The following C1orf105 variants were observed in gnomAD, a reference collection of about 807,000 sequenced individuals.
C1orf105 encodes chromosome 1 open reading frame 105, also known as uncharacterized protein C1orf105.
C1orf105 carries 17 observed loss-of-function variants against 20.8 expected under a neutral mutation model. The observed-to-expected ratio is 0.82, with a 90% CI of 0.56 to 1.23. C1orf105 has a LOEUF of 1.23. Ranked by LOEUF, C1orf105 falls within the 50% of genes most tolerant of loss-of-function variation. The pLI is 0.00. For synonymous variants in C1orf105, 72 were observed against 72.1 expected (o/e 1.00, Z 0.01); for missense variants, 219 against 213.5 (o/e 1.03, Z -0.16).
chr1:172,422,299 G>C (rs2071612425), intron 1 of C1orf105, among the ~76,000 whole-genome samples: 1 of 152,218 alleles, frequency 6.6e-6, no homozygotes. Flanking sequence ...AGTTCAGCCA[G>C]AGTAGGATAG....
intron 4 of C1orf105, among the ~76,000 whole-genome samples, chr1:172,457,683 C>T (rs1649386532): frequency 6.6e-6 from 1 of 152,350 alleles, no homozygotes; most frequent in Middle Eastern, 3.4e-3. Flanking sequence ...CTAAGCTGGC[C>T]TTGGCCAGCT....
chr1:172,462,683 C>T (rs1256950730), intron 5 of C1orf105, among the ~76,000 whole-genome samples: 1 of 152,094 alleles, frequency 6.6e-6, no homozygotes, highest in Non-Finnish European at 1.5e-5. Flanking sequence ...TTATTTAAAG[C>T]TTTTTTTAAA....
intron 5 of C1orf105, among the ~76,000 whole-genome samples, chr1:172,463,235 T>TA (rs766178791): frequency 5.4e-4 from 83 of 152,314 alleles, no homozygotes; most frequent in Non-Finnish European, 1.1e-3. Flanking sequence ...AAAGTAGACA[T>TA]ACACTCACCT....
intron 3 of C1orf105, among the ~76,000 whole-genome samples, chr1:172,449,490 G>A (rs1041374852): frequency 6.6e-6 from 1 of 152,124 alleles, no homozygotes; most frequent in African/African-American, 2.4e-5. Context: ...CAGGGGTGGA[G>A]GAAGAACTGG....
intron 5 of C1orf105, among the ~76,000 whole-genome samples, chr1:172,464,410 T>C (rs1465469309): frequency 2.0e-5 from 3 of 152,234 alleles, no homozygotes; most frequent in Non-Finnish European, 4.4e-5. Context: ...TGTAGAGCCT[T>C]AGATGGCCCA....
At chr1:172,437,660 C>T (rs2072082929) in intron 1 of C1orf105, among the ~76,000 whole-genome samples, 3 of 150,616 alleles carry the variant, frequency 2.0e-5, no homozygotes, top group South Asian at 4.2e-4. Flanking sequence ...GTACAGCAAA[C>T]CAACATGGCA....
chr1:172,421,064 T>C (rs1332479164), intron 1 of C1orf105, among the ~76,000 whole-genome samples, 158 bp downstream of exon 1: 1 of 152,202 alleles, frequency 6.6e-6, no homozygotes, highest in East Asian at 1.9e-4. Flanking sequence ...CAGCTGATGT[T>C]CAGTTACAGG....
chr1:172,432,763 G>A (rs1323740995), intron 1 of C1orf105, among the ~76,000 whole-genome samples: 1 of 152,244 alleles, frequency 6.6e-6, no homozygotes, highest in Non-Finnish European at 1.5e-5. Flanking sequence ...GACAGAGAAT[G>A]ACTTTAATGA....
At chr1:172,428,372 C>T (rs2071777276) in intron 1 of C1orf105, among the ~76,000 whole-genome samples, 1 of 152,314 alleles carries the variant, frequency 6.6e-6, no homozygotes, top group Admixed American at 6.5e-5. Context: ...CCAATGGCTC[C>T]TATCTCAGAG....
At chr1:172,461,166 C>T (rs1649666479) in intron 4 of C1orf105, among the ~76,000 whole-genome samples, 1 of 152,204 alleles carries the variant, frequency 6.6e-6, no homozygotes, top group African/African-American at 2.4e-5. Flanking sequence ...TCTTTGTTAC[C>T]AGATCAGCTC....
At chr1:172,429,251 C>G (rs889508883) in intron 1 of C1orf105, among the ~76,000 whole-genome samples, 33 of 147,838 alleles carry the variant, frequency 2.2e-4, no homozygotes, top group African/African-American at 8.0e-4. Context: ...CACACACACA[C>G]ACACAGACAC....
At chr1:172,425,735 C>A (rs1022469916) in intron 1 of C1orf105, among the ~76,000 whole-genome samples, 1 of 152,152 alleles carries the variant, frequency 6.6e-6, no homozygotes, top group African/African-American at 2.4e-5. Flanking sequence ...CCAAAAGGTC[C>A]TTGTCAAAAT....
chr1:172,447,656 C>G (rs1174909415), intron 2 of C1orf105, among the ~76,000 whole-genome samples: 2 of 152,216 alleles, frequency 1.3e-5, no homozygotes, highest in African/African-American at 4.8e-5. Flanking sequence ...CAAGAAATGT[C>G]TCATGAGCAT....
At chr1:172,443,599 C>G (rs1647586771) in intron 1 of C1orf105, 1 of 167,108 alleles carries the variant, frequency 6.0e-6, no homozygotes, top group Admixed American at 6.5e-5. Flanking sequence ...AGAAACACCA[C>G]AGCCATCCGG....
At chr1:172,442,312 T>A in intron 1 of C1orf105, 1 of 1,613,326 alleles carries the variant, frequency 6.2e-7, no homozygotes, top group Non-Finnish European at 8.5e-7. Context: ...TTCACCTCCA[T>A]CAATGAGATC....
chr1:172,438,107 G>A (rs1399940057), intron 1 of C1orf105, among the ~76,000 whole-genome samples: 2 of 151,238 alleles, frequency 1.3e-5, no homozygotes, highest in Non-Finnish European at 2.9e-5. Context: ...TTTAAGCCGA[G>A]TGTTGAGCCT....
At chr1:172,439,902 G>A (rs1431406460) in intron 1 of C1orf105, among the ~76,000 whole-genome samples, 3 of 152,218 alleles carry the variant, frequency 2.0e-5, no homozygotes, top group Non-Finnish European at 1.5e-5. Context: ...CCAGGAGCAG[G>A]CAGTGGACAG....
intron 1 of C1orf105, among the ~76,000 whole-genome samples, chr1:172,439,033 T>C (rs2072131038): frequency 6.6e-6 from 1 of 152,250 alleles, no homozygotes; most frequent in African/African-American, 2.4e-5. Flanking sequence ...TAAGCATAAA[T>C]TTTATACACA....
intron 1 of C1orf105, among the ~76,000 whole-genome samples, chr1:172,426,524 C>T (rs1183261415): frequency 6.6e-6 from 1 of 152,042 alleles, no homozygotes; most frequent in Non-Finnish European, 1.5e-5. Context: ...AATCCACCCT[C>T]ACCCTGCCTC....
Sources: allele counts gnomAD v4.1 joint callset (sites outside exome capture counted in the v4.1 genomes callset), GRCh38; gene constraint gnomAD v4.1.1; transcripts MANE v1.5; gene names NCBI Gene and HGNC (gene_info 2026-07-23, HGNC 2026-07-21).